RMC1: variants seen among roughly 807,000 people sequenced by gnomAD.
RMC1 encodes the protein regulator of MON1-CCZ1.
RMC1 carries 44 observed loss-of-function variants against 95.5 expected under a neutral mutation model. The observed-to-expected ratio is 0.46, with a 90% CI of 0.36 to 0.59. RMC1 has a LOEUF of 0.59. Among genes scored for constraint, RMC1 ranks in the 20% least tolerant of loss-of-function variants. The pLI is 0.00. For missense variants in RMC1, 705 were observed against 819.6 expected (o/e 0.86, Z 1.71); for synonymous variants, 320 against 303.6 (o/e 1.05, Z -0.56).
chr18:23,511,575 A>G (rs773437607), intron 5 of RMC1, among the ~76,000 whole-genome samples: 16 of 152,184 alleles, frequency 1.1e-4, no homozygotes, highest in Non-Finnish European at 2.1e-4. Context: ...TTTGGTGCAT[A>G]TTCCTCTATT....
chr18:23,513,851 C>A lies in RMC1; in HGVS notation c.409-2005C>A, dbSNP rs537100409. On this transcript the variant is annotated intron_variant, in intron 5 of 19. Coordinates refer to ENST00000269221, the MANE Select transcript of RMC1 (RefSeq NM_013326.5). ...CTTTGGAGAAATGACTAATTCGGGT[C>A]ATTGTGCCTATTTTTAAAATCAAAT... Among the ~76,000 whole-genome samples the A allele has an allele frequency of 2.6e-5, 4 of 152,314 alleles. No homozygotes were observed. The East Asian group carries it at 7.7e-4, about 29-fold the overall frequency.
Position 23,529,306 on chromosome 18 carries a change from G to A in RMC1, c.1416+8G>A, listed in dbSNP as rs766751883. 23 of 1,602,956 alleles carry A rather than the reference G, an allele frequency of 1.4e-5. No individual in the cohort carries two copies. The highest frequency in any genetic ancestry group is 2.2e-5 in the South Asian group (2 of 89,066). ...GCCTTTGTGGAAAAGAAGGTGGGCTGCAGCTTTCCGCCTCTTCTGGACTGA... is the reference window on the plus strand; with the variant it reads ...GCCTTTGTGGAAAAGAAGGTGGGCTACAGCTTTCCGCCTCTTCTGGACTGA... On this transcript the variant is annotated splice_region_variant and intron_variant, in intron 15 of 19. Coordinates refer to ENST00000269221, the MANE Select transcript of RMC1 (RefSeq NM_013326.5).
chr18:23,516,196 T>C lies in RMC1; in HGVS notation c.550-124T>C, dbSNP rs911342625. On this transcript the variant is annotated intron_variant, in intron 6 of 19. Transcript: ENST00000269221. ...TGGGCAGACAGGCTGTGAGAGGACA[T>C]GGGGGACGGTGGAAAGGATCCAAAG... The C allele has an allele frequency of 7.9e-5, 105 of 1,335,712 alleles. No homozygotes were observed. In the African/African-American group the frequency reaches 1.4e-3, roughly 18 times the overall value. 82.7% of individuals were successfully genotyped at this position (1,335,712 alleles called of 1,614,324 possible).
At chr18:23,510,268 T>C (rs940207104) in intron 5 of RMC1, among the ~76,000 whole-genome samples, 1 of 150,868 alleles carries the variant, frequency 6.6e-6, no homozygotes, top group Non-Finnish European at 1.5e-5. Flanking sequence ...GAGGTTGCAG[T>C]GAGCCAAGAT....
chr18:23,531,455 G>A, intron 19 of RMC1, 170 bp from the exon 20 acceptor site: 1 of 1,337,226 alleles, frequency 7.5e-7, no homozygotes, highest in Non-Finnish European at 9.8e-7. Flanking sequence ...CTTCCATTTA[G>A]CTTTTGTATT....
intron 5 of RMC1, among the ~76,000 whole-genome samples, chr18:23,515,279 G>GT (rs2145182489): frequency 6.6e-6 from 1 of 152,298 alleles, no homozygotes; most frequent in South Asian, 2.1e-4. Context: ...TAATTGCTTT[G>GT]TTAAGGGGCA....
At chr18:23,520,117 T>C in intron 9 of RMC1, 85 bp from the exon 10 acceptor site, 1 of 1,040,742 alleles carries the variant, frequency 9.6e-7, no homozygotes, top group Non-Finnish European at 1.5e-6. Flanking sequence ...TTTAAACTGA[T>C]TTAAACAGCA....
In RMC1 at chr18:23,530,291, G is replaced by A; in HGVS notation, c.1662G>A (p.Met554Ile). 6.2e-7 allele frequency: 1 copy of A among 1,614,236 alleles called. No homozygotes were observed. Among genetic ancestry groups the A allele is most frequent in the East Asian group, 2.2e-5 (1 of 44,888 alleles). Residue 554 changes from methionine (M) to isoleucine (I), a missense_variant, in exon 18 of 20, where the codon ATG becomes ATA. Transcript: ENST00000269221. ...CTGCTCATCAGCTATCTCTGGACAT[G>A]CTGAAGGTAACTCTGATGTGTGAGG... The part of the protein sequence containing the change: ...YPPAHQLSLD[M>I]LKRLSTANDE...
intron 5 of RMC1, among the ~76,000 whole-genome samples, chr18:23,511,420 C>T (rs8094196): frequency 0.012 from 1,773 of 152,224 alleles, 38 homozygotes; most frequent in African/African-American, 0.041. Context: ...CCACAAACCC[C>T]GTGACATGAG....
intron 5 of RMC1, among the ~76,000 whole-genome samples, chr18:23,511,560 AAC>A (rs1404067667): frequency 6.6e-6 from 1 of 152,256 alleles, no homozygotes; most frequent in Non-Finnish European, 1.5e-5. Context: ...AATTATTATG[AAC>A]AGTTTGGTGC....
chr18:23,506,963 C>T lies in RMC1; in HGVS notation c.180-7C>T, dbSNP rs1370889124. On this transcript the variant is annotated splice_region_variant and splice_polypyrimidine_tract_variant and intron_variant, in intron 2 of 19. Transcript: ENST00000269221. ...TTTAACTACTAACACAATCTTTCTTCTTAAAGAATGGATGACAAAGGAGAA... is the reference window on the plus strand; with the variant it reads ...TTTAACTACTAACACAATCTTTCTTTTTAAAGAATGGATGACAAAGGAGAA... 5 of 1,581,758 alleles carry T rather than the reference C, an allele frequency of 3.2e-6. No individual in the cohort carries two copies. The highest frequency in any genetic ancestry group is 2.6e-6 in the Non-Finnish European group (3 of 1,156,998).
chr18:23,528,919 GC>G, intron 14 of RMC1: 1 of 325,020 alleles, frequency 3.1e-6, no homozygotes, highest in East Asian at 6.7e-5. Context: ...TGTTCTTATT[GC>G]CCAGGCTGGA....
At chr18:23,517,296 C>T (rs998395362) in intron 7 of RMC1, among the ~76,000 whole-genome samples, 4 of 151,712 alleles carry the variant, frequency 2.6e-5, no homozygotes, top group East Asian at 1.9e-4. Flanking sequence ...ACTACAGGTG[C>T]GTGCCACCAT....
At chr18:23,521,433 T>C (rs1160674492) in intron 10 of RMC1, among the ~76,000 whole-genome samples, 1 of 152,234 alleles carries the variant, frequency 6.6e-6, no homozygotes, top group Non-Finnish European at 1.5e-5. Context: ...CACTTTTCTC[T>C]TTCTCACATT....
rs2058408842 is a variant in RMC1, at chr18:23,529,260, G to A, written c.1378G>A (p.Val460Met). The A allele has an allele frequency of 1.4e-5, 23 of 1,614,000 alleles. No homozygotes were observed. Among genetic ancestry groups the A allele is most frequent in the Non-Finnish European group, 1.9e-5 (23 of 1,180,032 alleles). Reference protein sequence around the residue: ...RTQAVLDQSDVYTHVLSAFVE... With the variant: ...RTQAVLDQSDMYTHVLSAFVE... ...CCAGGCGGTGCTGGACCAGTCAGATGTGTACACCCATGTCCTGTCAGCCTT... is the reference window on the plus strand; with the variant it reads ...CCAGGCGGTGCTGGACCAGTCAGATATGTACACCCATGTCCTGTCAGCCTT... Residue 460 changes from valine to methionine, a missense_variant, in exon 15 of 20, where the codon GTG (valine) becomes ATG (methionine). Val to Met is a conservative substitution (Grantham distance 21). Transcript: ENST00000269221.
intron 5 of RMC1, among the ~76,000 whole-genome samples, chr18:23,512,367 C>CTT (rs935559535): frequency 2.6e-5 from 4 of 152,048 alleles, no homozygotes; most frequent in East Asian, 3.9e-4. Flanking sequence ...AAGTAAGCAT[C>CTT]TTTTCATTTG....
chr18:23,503,762 G>T (rs1159165922), intron 1 of RMC1, 42 bp downstream of exon 1: 20 of 1,559,718 alleles, frequency 1.3e-5, no homozygotes, highest in Middle Eastern at 3.4e-4. Flanking sequence ...GGCCCTGCCG[G>T]GGTCGTGGGC....
intron 14 of RMC1, chr18:23,528,649 T>C (rs58609749): frequency 0.47 from 71,481 of 152,240 alleles, 17,050 homozygotes; most frequent in East Asian, 0.62. Context: ...GAGGGATGGC[T>C]GAGTCCTTTT....
intron 15 of RMC1, 157 bp from the exon 16 acceptor site, chr18:23,529,475 ATTG>A (rs1328602585): frequency 1.2e-5 from 15 of 1,251,066 alleles, no homozygotes; most frequent in Admixed American, 2.3e-5. Flanking sequence ...CTAAAGCATA[ATTG>A]TTGACGGGTG....
Sources: gnomAD v4.1 joint callset for allele counts (sites outside exome capture counted in the v4.1 genomes callset) on GRCh38, gnomAD v4.1.1 for gene constraint, MANE v1.5 for transcripts, NCBI Gene and HGNC (gene_info 2026-07-23, HGNC 2026-07-21) for gene names.